GGACT: variants seen among roughly 807,000 people sequenced by gnomAD.
GGACT encodes gamma-glutamylaminecyclotransferase.
For synonymous variants in GGACT, 118 were observed against 115.3 expected, an observed-to-expected ratio of 1.02 and a Z score of -0.15; for missense variants, 241 against 233.2, an observed-to-expected ratio of 1.03 and a Z score of -0.22.
chr13:100,575,297 G>A (rs1217295007), intron 2 of GGACT, among the ~76,000 whole-genome samples: 3 of 152,168 alleles, frequency 2.0e-5, no homozygotes, highest in East Asian at 1.9e-4. Flanking sequence ...CAGTTTCATC[G>A]TAGGGGAGGA....
chr13:100,567,193 A>T (rs1874920162), intron 2 of GGACT, among the ~76,000 whole-genome samples: 1 of 152,188 alleles, frequency 6.6e-6, no homozygotes, highest in Admixed American at 6.5e-5. Flanking sequence ...TTCTCCACAG[A>T]GAAGTTACTC....
chr13:100,579,765 C>G (rs1824545308), intron 2 of GGACT, among the ~76,000 whole-genome samples: 1 of 152,144 alleles, frequency 6.6e-6, no homozygotes, highest in Admixed American at 6.5e-5. Context: ...GAGAGTTCAC[C>G]CTGGGTCTCT....
intron 2 of GGACT, chr13:100,535,792 AGTTTGTTTTTTTT>A (rs2088483227): frequency 1.3e-5 from 2 of 152,168 alleles, no homozygotes; most frequent in South Asian, 4.2e-4. Flanking sequence ...AATTGCTTCA[AGTTTGTTTTTTTT>A]GTTTGTTTTG....
rs548521678 is a variant in GGACT, at chr13:100,530,272, C to T, written c.*1858G>A. 75 of 889,376 alleles carry T rather than the reference C, an allele frequency of 8.4e-5. No homozygotes were observed. The Admixed American group carries it at 1.1e-3, about 13-fold the overall frequency. The allele number at this position is 889,376 out of a possible 1,614,324, so 55.1% of individuals were successfully genotyped here. ...ATACAGGAACACCCCTGTGCAGCTA[C>T]GTTTACGTCGTCATTTATTCCACAG... On this transcript the variant is annotated 3_prime_UTR_variant, in exon 3 of 3. Coordinates refer to ENST00000683975, the MANE Select transcript of GGACT (RefSeq NM_001195087.2).
chr13:100,585,672 G>A (rs886519053), intron 1 of GGACT, among the ~76,000 whole-genome samples: 1 of 151,720 alleles, frequency 6.6e-6, no homozygotes, highest in African/African-American at 2.4e-5. Flanking sequence ...GGAGGCTGAG[G>A]CATGAGAATC....
intron 2 of GGACT, among the ~76,000 whole-genome samples, chr13:100,577,137 G>A (rs1041031636): frequency 6.6e-6 from 1 of 152,058 alleles, no homozygotes; most frequent in Non-Finnish European, 1.5e-5. Context: ...AGAAAAATAG[G>A]CCGGGCAGTG....
At position 100,540,342 on chromosome 13, in the gene GGACT, A is replaced by G. The variant is rs2088541890; in HGVS notation, c.-10-7741T>C. 4.3e-6 allele frequency: 3 copies of G among 704,290 alleles called. No homozygotes were observed. In the Admixed American group the frequency reaches 6.5e-5, roughly 15 times the overall value. The allele number at this position is 704,290 out of a possible 1,614,324, so 43.6% of individuals were successfully genotyped here. A position where few individuals can be genotyped will look rare whatever the true frequency, so the allele number is the denominator to read the frequency against. ...CTCTTTACTAGTTGTAGGTCTGTTCAGTCTCAGTAGGTTGTGTCTTTCTAG... is the reference window on the plus strand; with the variant it reads ...CTCTTTACTAGTTGTAGGTCTGTTCGGTCTCAGTAGGTTGTGTCTTTCTAG... On this transcript the variant is annotated intron_variant, in intron 2 of 2. Transcript: ENST00000683975.
chr13:100,544,131 C>T (rs2088582006), intron 2 of GGACT, among the ~76,000 whole-genome samples: 1 of 152,128 alleles, frequency 6.6e-6, no homozygotes. Flanking sequence ...TTATGGAAAC[C>T]TTCTTGTGTC....
chr13:100,577,803 G>A (rs1240561037), intron 2 of GGACT, among the ~76,000 whole-genome samples: 1 of 151,990 alleles, frequency 6.6e-6, no homozygotes, highest in East Asian at 1.9e-4. Flanking sequence ...AGAGAAAGGG[G>A]AGAAGGAAAG....
Position 100,530,384 on chromosome 13 carries a change from T to C in GGACT, c.*1746A>G. 3 of 610,534 alleles carry C rather than the reference T, an allele frequency of 4.9e-6. No homozygotes were observed. In the South Asian group the frequency reaches 5.8e-5, roughly 12 times the overall value. 37.8% of individuals were successfully genotyped at this position (610,534 alleles called of 1,614,324 possible). A position where few individuals can be genotyped will look rare whatever the true frequency, so the allele number is the denominator to read the frequency against. On this transcript the variant is annotated 3_prime_UTR_variant, in exon 3 of 3. Coordinates refer to ENST00000683975, the MANE Select transcript of GGACT (RefSeq NM_001195087.2). ...GTACATATGATTTGTACTTCTGCTG[T>C]GAGATTCCCTAGTGTCAAAATTAAA... is the stretch of plus-strand genomic sequence containing the variant.
intron 2 of GGACT, among the ~76,000 whole-genome samples, chr13:100,582,478 G>A (rs147350878): frequency 1.3e-5 from 2 of 152,340 alleles, no homozygotes; most frequent in African/African-American, 4.8e-5. Flanking sequence ...CTTCACAGAT[G>A]TGAGGACCTT....
intron 2 of GGACT, among the ~76,000 whole-genome samples, chr13:100,576,659 C>A (rs1383452268): frequency 6.6e-6 from 1 of 152,178 alleles, no homozygotes; most frequent in Non-Finnish European, 1.5e-5. Flanking sequence ...AAATCAGCCT[C>A]AAAGGTTGCA....
chr13:100,580,879 C>T (rs1367521680), intron 2 of GGACT, among the ~76,000 whole-genome samples: 1 of 152,210 alleles, frequency 6.6e-6, no homozygotes, highest in Admixed American at 6.5e-5. Context: ...AAAAACCGGG[C>T]TCTCGTTGTT....
intron 1 of GGACT, among the ~76,000 whole-genome samples, chr13:100,587,599 A>G (rs1418619173): frequency 6.6e-6 from 1 of 152,248 alleles, no homozygotes; most frequent in Non-Finnish European, 1.5e-5. Context: ...GCCAGGGAAA[A>G]GTCTTCACTT....
intron 2 of GGACT, among the ~76,000 whole-genome samples, chr13:100,559,100 G>A (rs529416127): frequency 3.4e-4 from 52 of 152,252 alleles, no homozygotes; most frequent in African/African-American, 1.3e-3. Context: ...ATGAGTCAGA[G>A]CACAGCTCTG....
intron 2 of GGACT, among the ~76,000 whole-genome samples, chr13:100,547,764 G>A (rs533064410): frequency 6.6e-6 from 1 of 152,344 alleles, no homozygotes; most frequent in East Asian, 1.9e-4. Context: ...GGTCAAGGTC[G>A]AGCAGGCCCA....
In GGACT at chr13:100,558,834, G is replaced by A. The variant is rs186541584; in HGVS notation, c.-11+24991C>T. On this transcript the variant is annotated intron_variant, in intron 2 of 2. Coordinates refer to ENST00000683975, the MANE Select transcript of GGACT (RefSeq NM_001195087.2). Reference sequence around the variant, plus strand: ...GTTATCAGAGGCTGAGGTAGCTAGGGGGAGAGGGGATGGAGAGAGGTTGGT... The same window carrying A: ...GTTATCAGAGGCTGAGGTAGCTAGGAGGAGAGGGGATGGAGAGAGGTTGGT... 2.7e-3 allele frequency among the ~76,000 whole-genome samples: 404 copies of A among 152,240 alleles called. 8 individuals carry two copies. Among genetic ancestry groups the A allele is most frequent in the East Asian group, 3.3e-3 (17 of 5,172 alleles).
At chr13:100,582,439 G>T (rs1875448263) in intron 2 of GGACT, among the ~76,000 whole-genome samples, 1 of 152,176 alleles carries the variant, frequency 6.6e-6, no homozygotes, top group South Asian at 2.1e-4. Flanking sequence ...TGGAACCTAT[G>T]AATATGTTAA....
chr13:100,556,763 G>T (rs898116455), intron 2 of GGACT, among the ~76,000 whole-genome samples: 10 of 152,150 alleles, frequency 6.6e-5, no homozygotes, highest in African/African-American at 1.9e-4. Context: ...AGCATCTCAT[G>T]TAACCCATAA....
Sources: allele counts gnomAD v4.1 joint callset (sites outside exome capture counted in the v4.1 genomes callset), GRCh38; gene constraint gnomAD v4.1.1; transcripts MANE v1.5; gene names NCBI Gene and HGNC (gene_info 2026-07-23, HGNC 2026-07-21).